The following NWD2 variants were observed in gnomAD, a reference collection of about 807,000 sequenced individuals.
NWD2 encodes the protein NACHT and WD repeat domain containing 2.
In NWD2, 37 loss-of-function variants were observed where a neutral mutation model predicts 132.7. The ratio of observed to expected loss-of-function variants is 0.28; its 90% CI spans 0.21 to 0.37. NWD2 has a LOEUF of 0.37. Ranked by LOEUF, NWD2 falls within the 10% of genes least tolerant of loss-of-function variation. NWD2 has a pLI of 1.00. For missense variants in NWD2, 1,592 were observed against 2,122.4 expected (o/e 0.75, Z 4.91); for synonymous variants, 705 against 803.0 (o/e 0.88, Z 2.06).
intron 1 of NWD2, among the ~76,000 whole-genome samples, chr4:37,257,848 CA>C (rs1242593134): frequency 4.6e-5 from 7 of 152,104 alleles, no homozygotes. Flanking sequence ...GCTGATTTTT[CA>C]AAAAGCTACC....
intron 1 of NWD2, among the ~76,000 whole-genome samples, chr4:37,293,200 T>C (rs1718401295): frequency 6.6e-6 from 1 of 152,182 alleles, no homozygotes; most frequent in South Asian, 2.1e-4. Flanking sequence ...TCAAAATCAA[T>C]CTCAACCTCT....
chr4:37,286,590 C>T (rs973668767), intron 1 of NWD2, among the ~76,000 whole-genome samples: 8 of 152,220 alleles, frequency 5.3e-5, no homozygotes, highest in African/African-American at 1.9e-4. Flanking sequence ...AACACAAGCC[C>T]TGTAGTGTGT....
chr4:37,347,664 A>G (rs887074527), intron 2 of NWD2, among the ~76,000 whole-genome samples: 2 of 152,136 alleles, frequency 1.3e-5, no homozygotes, highest in African/African-American at 4.8e-5. Context: ...TATCCCTGTT[A>G]CAGCTAGGTA....
intron 1 of NWD2, among the ~76,000 whole-genome samples, chr4:37,311,611 T>C (rs1006394630): frequency 4.0e-5 from 6 of 148,744 alleles, no homozygotes; most frequent in African/African-American, 1.6e-4. Flanking sequence ...GGTAGTTTCT[T>C]TTGCTGTGCA....
chr4:37,389,243 A>G (rs1045582115), intron 3 of NWD2, among the ~76,000 whole-genome samples: 4 of 152,206 alleles, frequency 2.6e-5, no homozygotes, highest in African/African-American at 9.6e-5. Context: ...GCCTCAGGCC[A>G]CTCTGTTTCT....
chr4:37,332,972 G>C (rs1039440358), intron 2 of NWD2, among the ~76,000 whole-genome samples: 2 of 152,146 alleles, frequency 1.3e-5, no homozygotes, highest in Non-Finnish European at 2.9e-5. Context: ...GTGAGCTTGG[G>C]GTAGTGGTGG....
At chr4:37,304,686 C>G (rs967261822) in intron 1 of NWD2, among the ~76,000 whole-genome samples, 7 of 152,168 alleles carry the variant, frequency 4.6e-5, no homozygotes, top group African/African-American at 1.4e-4. Context: ...CCAAAATAAT[C>G]TTTGACCCCA....
At chr4:37,391,721 C>T (rs746392260) in intron 3 of NWD2, among the ~76,000 whole-genome samples, 1 of 152,154 alleles carries the variant, frequency 6.6e-6, no homozygotes, top group Non-Finnish European at 1.5e-5. Flanking sequence ...CCATCCTCAT[C>T]GTCATCCAGA....
chr4:37,249,847 ACT>A (rs1389439754), intron 1 of NWD2, among the ~76,000 whole-genome samples: 1 of 151,684 alleles, frequency 6.6e-6, no homozygotes, highest in Non-Finnish European at 1.5e-5. Flanking sequence ...ATCTTCCCAG[ACT>A]CTTCATGCCT....
intron 1 of NWD2, among the ~76,000 whole-genome samples, chr4:37,320,113 G>A (rs1056570937): frequency 9.9e-5 from 15 of 152,136 alleles, no homozygotes; most frequent in African/African-American, 3.6e-4. Context: ...ATGAGCATGG[G>A]ATGTTTTTTC....
At chr4:37,303,385 G>A (rs1183184835) in intron 1 of NWD2, among the ~76,000 whole-genome samples, 3 of 152,208 alleles carry the variant, frequency 2.0e-5, no homozygotes, top group Non-Finnish European at 4.4e-5. Context: ...TTCAGGTAGT[G>A]TGATGCGTCC....
intron 1 of NWD2, among the ~76,000 whole-genome samples, chr4:37,265,144 T>A (rs993363266): frequency 1.3e-5 from 2 of 152,114 alleles, no homozygotes; most frequent in Non-Finnish European, 2.9e-5. Context: ...GAATACTTTG[T>A]GATATTAATG....
intron 3 of NWD2, among the ~76,000 whole-genome samples, chr4:37,409,276 A>G (rs1382058187): frequency 6.6e-6 from 1 of 151,970 alleles, no homozygotes; most frequent in Non-Finnish European, 1.5e-5. Context: ...AGGTTAGAGG[A>G]ATGGCTAACT....
intron 3 of NWD2, among the ~76,000 whole-genome samples, chr4:37,379,393 T>C (rs974413731): frequency 3.3e-5 from 5 of 152,022 alleles, no homozygotes; most frequent in African/African-American, 1.2e-4. Context: ...CACAGAGAGG[T>C]TGAGTAACTT....
At chr4:37,418,608 C>T (rs1164962678) in intron 3 of NWD2, among the ~76,000 whole-genome samples, 1 of 139,902 alleles carries the variant, frequency 7.1e-6, no homozygotes, top group Non-Finnish European at 1.6e-5. Flanking sequence ...GAAAATGGCA[C>T]TTAAATTCTG....
chr4:37,293,607 C>G (rs1254619572), intron 1 of NWD2, among the ~76,000 whole-genome samples: 1 of 152,122 alleles, frequency 6.6e-6, no homozygotes, highest in Non-Finnish European at 1.5e-5. Context: ...TAGCCACATA[C>G]AGTATATTAA....
intron 3 of NWD2, among the ~76,000 whole-genome samples, chr4:37,396,654 G>A (rs1399565027): frequency 6.6e-6 from 1 of 152,140 alleles, no homozygotes; most frequent in Non-Finnish European, 1.5e-5. Context: ...TCTCAGTCAG[G>A]GAGTCAAATG....
Position 37,411,354 on chromosome 4 carries a change from A to G in NWD2, c.358-19218A>G, listed in dbSNP as rs571054073. Among the ~76,000 whole-genome samples, 4 of 152,286 alleles carry G rather than the reference A, an allele frequency of 2.6e-5. No individual in the cohort carries two copies. The South Asian group carries it at 8.3e-4, about 32-fold the overall frequency. The stretch of plus-strand genomic sequence containing the variant: ...ACTACTATCGGAGAATACTATAAAC[A>G]CCTCTATGCAAATAAACTAGAAAAT... On this transcript the variant is annotated intron_variant, in intron 3 of 6. Coordinates refer to ENST00000309447, the MANE Select transcript of NWD2 (RefSeq NM_001144990.2).
intron 1 of NWD2, among the ~76,000 whole-genome samples, chr4:37,249,273 C>T (rs1181191813): frequency 6.6e-6 from 1 of 152,184 alleles, no homozygotes; most frequent in East Asian, 1.9e-4. Flanking sequence ...TCAAGTTTTG[C>T]TACCAGATGG....
Sources: allele counts gnomAD v4.1 joint callset (sites outside exome capture counted in the v4.1 genomes callset), GRCh38; gene constraint gnomAD v4.1.1; transcripts MANE v1.5; gene names NCBI Gene and HGNC (gene_info 2026-07-23, HGNC 2026-07-21).